Variants in RPS19 observed in about 807,000 individuals in gnomAD.
RPS19 encodes the protein ribosomal protein S19, also known as small ribosomal subunit protein eS19.
RPS19 carries 1 observed loss-of-function variant against 20.3 expected under a neutral mutation model. The ratio of observed to expected loss-of-function variants is 0.05; its 90% confidence interval spans 0.02 to 0.23. The LOEUF is 0.23. Among genes scored for constraint, RPS19 ranks in the 10% least tolerant of loss-of-function variants. The pLI is 1.00. For synonymous variants in RPS19, 87 were observed against 74.8 expected (o/e 1.16, Z -0.84); for missense variants, 111 against 192.7 (o/e 0.58, Z 2.51).
chr19:41,869,374 C>T (rs2074122346), intron 4 of RPS19, among the ~76,000 whole-genome samples, 160 bp downstream of exon 4: 1 of 152,160 alleles, frequency 6.6e-6, no homozygotes. Flanking sequence ...CACGGGGCCT[C>T]ACCCCGACCT....
chr19:41,867,370 C>T (rs1300974181), intron 3 of RPS19, among the ~76,000 whole-genome samples: 1 of 152,102 alleles, frequency 6.6e-6, no homozygotes, highest in African/African-American at 2.4e-5. Flanking sequence ...GTGGCATGAT[C>T]TTGGCTAACT....
At chr19:41,867,020 G>GA (rs1375940219) in intron 3 of RPS19, among the ~76,000 whole-genome samples, 23 of 141,028 alleles carry the variant, frequency 1.6e-4, no homozygotes, top group South Asian at 2.3e-4. Context: ...CTCCATCTCA[G>GA]AAAAAAAAAA....
At chr19:41,863,533 T>TA (rs1233748193) in intron 3 of RPS19, among the ~76,000 whole-genome samples, 1 of 152,194 alleles carries the variant, frequency 6.6e-6, no homozygotes, top group Non-Finnish European at 1.5e-5. Context: ...GATTTGAGGC[T>TA]AAAGTGTGCT....
At chr19:41,863,864 T>TC (rs5828133) in intron 3 of RPS19, 1 of 108,230 alleles carries the variant, frequency 9.2e-6, no homozygotes, top group Non-Finnish European at 2.1e-5. Flanking sequence ...TTTTTTTTTT[T>TC]AAACAGAGTT....
At chr19:41,867,100 T>C (rs543296235) in intron 3 of RPS19, among the ~76,000 whole-genome samples, 3 of 151,782 alleles carry the variant, frequency 2.0e-5, no homozygotes, top group Admixed American at 2.0e-4. Context: ...GGTGGTTCAC[T>C]TCACTCCAGG....
chr19:41,862,552 A>C (rs1555839489), intron 3 of RPS19, among the ~76,000 whole-genome samples: 1 of 151,966 alleles, frequency 6.6e-6, no homozygotes, highest in East Asian at 1.9e-4. Flanking sequence ...TGGATCTGGG[A>C]TTAGCCTTTC....
chr19:41,862,010 A>G (rs1342808416), intron 3 of RPS19, among the ~76,000 whole-genome samples: 1 of 148,102 alleles, frequency 6.8e-6, no homozygotes, highest in Non-Finnish European at 1.5e-5. Context: ...TGTTATGTCA[A>G]GGTGACAGCC....
At chr19:41,871,235 G>C (rs1006787132) in intron 5 of RPS19, 116 bp from the exon 6 acceptor site, 42 of 840,710 alleles carry the variant, frequency 5.0e-5, no homozygotes, top group Non-Finnish European at 1.1e-5. Flanking sequence ...TGAGATAGAT[G>C]CATTTGAAAC....
At position 41,865,724 on chromosome 19, in the gene RPS19, G is replaced by A. The variant is rs188202339; in HGVS notation, c.173-3307G>A. Among the ~76,000 whole-genome samples, 6 of 151,716 alleles carry A rather than the reference G, an allele frequency of 4.0e-5. No individual in the cohort carries two copies. In the East Asian group the frequency reaches 5.8e-4, roughly 15 times the overall value. On this transcript the variant is annotated intron_variant, in intron 3 of 5. Coordinates refer to ENST00000598742, the MANE Select transcript of RPS19 (RefSeq NM_001022.4). ...AGCACTTTCGGAGGCCGAGGCGGGC[G>A]GATCATGAGGTCAAGAGATCGAGAC...
rs35987051 is a variant in RPS19, at chr19:41,870,849, C to CTTTT, written c.412-474_412-471dup. On this transcript the variant is annotated intron_variant, in intron 5 of 5. Coordinates refer to ENST00000598742, the MANE Select transcript of RPS19 (RefSeq NM_001022.4). ...TGGACTCCACTCCGCCACTCCCTTCCTTTTTTTTTTTTTTTTTTTTTTTTT... is the reference window on the plus strand; with the variant it reads ...TGGACTCCACTCCGCCACTCCCTTCCTTTTTTTTTTTTTTTTTTTTTTTTTTTTT... Among the ~76,000 whole-genome samples, 275 of 43,970 alleles carry CTTTT rather than the reference C, an allele frequency of 6.3e-3. 19 individuals carry two copies. Among genetic ancestry groups the CTTTT allele is most frequent in the East Asian group, 0.023 (36 of 1,536 alleles). The allele number at this position is 43,970 out of a possible 152,430, so 28.8% of individuals were successfully genotyped here.
chr19:41,871,794 A>T lies in RPS19; in HGVS notation c.*417A>T. 1 of 224,826 alleles carries T rather than the reference A, an allele frequency of 4.4e-6. No homozygotes were observed. Among genetic ancestry groups the T allele is most frequent in the Admixed American group, 5.2e-5 (1 of 19,064 alleles). 13.9% of individuals were successfully genotyped at this position (224,826 alleles called of 1,614,324 possible). A position where few individuals can be genotyped will look rare whatever the true frequency, so the allele number is the denominator to read the frequency against. On this transcript the variant is annotated 3_prime_UTR_variant, in exon 6 of 6. Transcript: ENST00000598742. ...CATCCTGTCTTTGCAATTGTCAGAA[A>T]GTGAGAAACGAAAGGATGGCTGTGA...
intron 2 of RPS19, 122 bp from the exon 3 acceptor site, chr19:41,860,990 C>T: frequency 1.8e-6 from 2 of 1,097,292 alleles, no homozygotes; most frequent in Middle Eastern, 2.9e-4. Flanking sequence ...GGCTTGTGTT[C>T]CGGTTCCAGC....
chr19:41,861,285 T>G (rs2074029106), intron 3 of RPS19, 73 bp downstream of exon 3: 1 of 1,076,356 alleles, frequency 9.3e-7, no homozygotes, highest in Non-Finnish European at 1.4e-6. Context: ...CTTCCCTGTC[T>G]CCTCTGAGCT....
chr19:41,870,957 G>C (rs531211496), intron 5 of RPS19, among the ~76,000 whole-genome samples: 92 of 144,312 alleles, frequency 6.4e-4, no homozygotes, highest in Admixed American at 1.5e-3. Flanking sequence ...CTGCCACCTG[G>C]GTTCAAGCAA....
chr19:41,867,239 C>G (rs922854627), intron 3 of RPS19, among the ~76,000 whole-genome samples: 3 of 151,690 alleles, frequency 2.0e-5, no homozygotes, highest in Non-Finnish European at 2.9e-5. Flanking sequence ...GCACTCCAGC[C>G]TGGGTGACAG....
rs2074162660 is a variant in RPS19, at chr19:41,872,752, G to A, written c.*1375G>A. ...GTCTCTAAAAATACCAAAATTAGTT[G>A]GGCATGGTGGCGCGCACCTGTAATC... On this transcript the variant is annotated 3_prime_UTR_variant, in exon 6 of 6. Transcript: ENST00000598742. 1 of 152,144 alleles carries A rather than the reference G, an allele frequency of 6.6e-6. No homozygotes were observed. Among genetic ancestry groups the A allele is most frequent in the African/African-American group, 2.4e-5 (1 of 41,412 alleles). 9.4% of individuals were successfully genotyped at this position (152,144 alleles called of 1,614,324 possible). A position where few individuals can be genotyped will look rare whatever the true frequency, so the allele number is the denominator to read the frequency against.
At chr19:41,868,284 G>C (rs1555841115) in intron 3 of RPS19, among the ~76,000 whole-genome samples, 1 of 152,134 alleles carries the variant, frequency 6.6e-6, no homozygotes, top group Non-Finnish European at 1.5e-5. Context: ...TGTGTGACAC[G>C]GAGCCAGTGA....
At chr19:41,861,592 C>T (rs535500704) in intron 3 of RPS19, 20 of 347,818 alleles carry the variant, frequency 5.8e-5, no homozygotes, top group African/African-American at 3.8e-4. Context: ...TGCACTCTCT[C>T]ATCCCCAAAA....
rs1445324085 is a variant in RPS19 at position 41,861,583 on chromosome 19, G to A, written c.172+371G>A. ...CTGGCAAGTTGGTTAACCTGCCTGT[G>A]CACTCTCTCATCCCCAAAATGGGAC... On this transcript the variant is annotated intron_variant, in intron 3 of 5. Transcript: ENST00000598742. 10 of 353,942 alleles carry A rather than the reference G, an allele frequency of 2.8e-5. No individual in the cohort carries two copies. The Admixed American group carries it at 3.6e-4, about 13-fold the overall frequency. 21.9% of individuals were successfully genotyped at this position (353,942 alleles called of 1,614,324 possible). A position where few individuals can be genotyped will look rare whatever the true frequency, so the allele number is the denominator to read the frequency against.
Sources: gnomAD v4.1 joint callset for allele counts (sites outside exome capture counted in the v4.1 genomes callset) on GRCh38, gnomAD v4.1.1 for gene constraint, MANE v1.5 for transcripts, NCBI Gene and HGNC (gene_info 2026-07-23, HGNC 2026-07-21) for gene names.